The following CEMIP variants were observed in gnomAD, a reference collection of about 807,000 sequenced individuals.
CEMIP encodes the protein cell migration inducing hyaluronidase 1.
Under a neutral mutation model 156.9 loss-of-function variants are expected in CEMIP, and 105 were observed. That is an observed-to-expected ratio of 0.67 (90% CI 0.57 to 0.79). The LOEUF is 0.79. CEMIP is among the 30% of genes least tolerant of loss of function. The pLI is 0.00. For missense variants in CEMIP, 1,457 were observed against 1,769.4 expected, an observed-to-expected ratio of 0.82 and a Z score of 3.17; for synonymous variants, 676 against 668.4, an observed-to-expected ratio of 1.01 and a Z score of -0.17.
chr15:80,904,740 C>T lies in CEMIP; in HGVS notation c.1412-1923C>T, dbSNP rs923060755. Among the ~76,000 whole-genome samples the T allele has an allele frequency of 4.6e-4, 70 of 152,182 alleles. 1 individual carries two copies. Among genetic ancestry groups the T allele is most frequent in the Non-Finnish European group, 1.5e-5 (1 of 68,030 alleles). ...CTGAAAAGGGCAAGGAACAGATTCT[C>T]CTCTGGAGCCTCCATGAGGAACCAG... On this transcript the variant is annotated intron_variant, in intron 12 of 29. Transcript: ENST00000394685.
intron 1 of CEMIP, among the ~76,000 whole-genome samples, chr15:80,789,971 A>G (rs903127965): frequency 6.6e-6 from 1 of 152,116 alleles, no homozygotes; most frequent in African/African-American, 2.4e-5. Context: ...GCTCAGGGGG[A>G]ACGAGGGGCA....
chr15:80,915,009 G>A (rs576544446), intron 14 of CEMIP, among the ~76,000 whole-genome samples: 1 of 152,264 alleles, frequency 6.6e-6, no homozygotes, highest in Admixed American at 6.5e-5. Context: ...CAGTTCCTGG[G>A]TGGGGGCCAC....
At chr15:80,812,149 G>C (rs1896687145) in intron 1 of CEMIP, among the ~76,000 whole-genome samples, 2 of 152,194 alleles carry the variant, frequency 1.3e-5, no homozygotes, top group African/African-American at 4.8e-5. Flanking sequence ...AAGTAGCTGG[G>C]ATTACAGGCG....
chr15:80,830,447 G>A (rs1596117958), intron 1 of CEMIP, among the ~76,000 whole-genome samples: 2 of 152,090 alleles, frequency 1.3e-5, no homozygotes, highest in African/African-American at 4.8e-5. Context: ...TGCCCTTCTG[G>A]TTCTAGGACT....
In CEMIP at chr15:80,888,719, C is replaced by T; in HGVS notation, c.887C>T (p.Ala296Val). The change falls in exon 9 of 30, where the codon GCT (alanine) becomes GTT (valine). Residue 296 changes from alanine (A) to valine (V), a missense_variant. Ala to Val is a moderately conservative substitution (Grantham distance 64). Coordinates refer to ENST00000394685, the MANE Select transcript of CEMIP (RefSeq NM_001293298.2). ...IEYHGHRGSA[A>V]ARVFKLFQTE... is the part of the protein sequence containing the mutation. ...CTGACAGGACATCGAGGCTCTGCTG[C>T]TGCCCGGGTATTCAAATTGTTCCAG... 1 of 1,614,116 alleles carries T rather than the reference C, an allele frequency of 6.2e-7. No homozygotes were observed. The highest frequency in any genetic ancestry group is 8.5e-7 in the Non-Finnish European group (1 of 1,179,986).
intron 1 of CEMIP, among the ~76,000 whole-genome samples, chr15:80,791,109 T>TA (rs5814036): frequency 0.04 from 5,711 of 143,864 alleles, 360 homozygotes; most frequent in African/African-American, 0.13. Context: ...TGCAGAGGAT[T>TA]AAAAAAAAAA....
intron 1 of CEMIP, among the ~76,000 whole-genome samples, chr15:80,784,465 T>A (rs1596085335): frequency 6.6e-6 from 1 of 152,122 alleles, no homozygotes; most frequent in Admixed American, 6.5e-5. Context: ...TTTATGGCTG[T>A]AAGGTATGCA....
intron 28 of CEMIP, among the ~76,000 whole-genome samples, chr15:80,943,976 TC>T (rs1901440950): frequency 6.6e-6 from 1 of 152,158 alleles, no homozygotes; most frequent in Non-Finnish European, 1.5e-5. Context: ...TCTTTTCCGA[TC>T]CAACCCAAAA....
intron 25 of CEMIP, among the ~76,000 whole-genome samples, 186 bp from the exon 26 acceptor site, chr15:80,941,663 T>C (rs1042418333): frequency 9.9e-5 from 15 of 152,214 alleles, no homozygotes; most frequent in African/African-American, 3.1e-4. Flanking sequence ...CATTAGCTTT[T>C]TCTTCAATGC....
chr15:80,937,710 T>C (rs1177363743), intron 24 of CEMIP, 84 bp from the exon 25 acceptor site: 1 of 1,254,188 alleles, frequency 8.0e-7, no homozygotes, highest in Non-Finnish European at 1.2e-6. Flanking sequence ...TGGAGATTTT[T>C]TGGTCTCTTT....
At chr15:80,809,474 T>G (rs1194608907) in intron 1 of CEMIP, among the ~76,000 whole-genome samples, 3 of 152,250 alleles carry the variant, frequency 2.0e-5, no homozygotes, top group Admixed American at 2.0e-4. Context: ...AAAGTGTGAA[T>G]TTCCTTTTAT....
At chr15:80,899,887 C>A (rs1899398884) in intron 12 of CEMIP, among the ~76,000 whole-genome samples, 1 of 152,206 alleles carries the variant, frequency 6.6e-6, no homozygotes, top group Non-Finnish European at 1.5e-5. Context: ...GGTCAGATGT[C>A]CCCCTGGACT....
chr15:80,880,738 A>G (rs919496089), intron 5 of CEMIP, among the ~76,000 whole-genome samples, 162 bp from the exon 6 acceptor site: 5 of 152,102 alleles, frequency 3.3e-5, no homozygotes, highest in African/African-American at 7.2e-5. Flanking sequence ...CCCAGCCGCT[A>G]GTGTTATTTT....
Position 80,949,005 on chromosome 15 carries a change from C to T in CEMIP, c.*81C>T, listed in dbSNP as rs1901695777. ...GCAGACCAGTGGGGGATGGCTGGGT[C>T]CCCCAGCCCCTGCCAGCAGCTGCCT... On this transcript the variant is annotated 3_prime_UTR_variant, in exon 30 of 30. Transcript: ENST00000394685. 1.9e-6 allele frequency: 3 copies of T among 1,562,044 alleles called. No homozygotes were observed. The highest frequency in any genetic ancestry group is 1.7e-5 in the Admixed American group (1 of 59,916).
At chr15:80,879,601 C>A (rs1898575216) in intron 4 of CEMIP, 115 bp from the exon 5 acceptor site, 4 of 1,196,628 alleles carry the variant, frequency 3.3e-6, no homozygotes, top group Non-Finnish European at 3.7e-6. Context: ...GGAAGATGTG[C>A]CTTTTTGCCT....
At chr15:80,838,824 T>C (rs1242693481) in intron 1 of CEMIP, among the ~76,000 whole-genome samples, 2 of 152,192 alleles carry the variant, frequency 1.3e-5, no homozygotes, top group Non-Finnish European at 2.9e-5. Flanking sequence ...TCAGACAGGT[T>C]GGGCAACTTG....
intron 1 of CEMIP, among the ~76,000 whole-genome samples, chr15:80,787,803 C>T (rs1347855082): frequency 6.6e-6 from 1 of 152,216 alleles, no homozygotes; most frequent in East Asian, 1.9e-4. Context: ...TGGGCTCTCA[C>T]CATGTGTGGG....
chr15:80,884,427 T>C (rs1898766849), intron 7 of CEMIP, 73 bp downstream of exon 7: 1 of 1,483,918 alleles, frequency 6.7e-7, no homozygotes, highest in Non-Finnish European at 9.4e-7. Flanking sequence ...AGAATTTACC[T>C]TTCCCATCTC....
chr15:80,827,269 G>A (rs1356606493), intron 1 of CEMIP, among the ~76,000 whole-genome samples: 1 of 152,180 alleles, frequency 6.6e-6, no homozygotes, highest in Non-Finnish European at 1.5e-5. Flanking sequence ...CCCTAAGGTG[G>A]TCACCATGGG....
Sources: allele counts gnomAD v4.1 joint callset (sites outside exome capture counted in the v4.1 genomes callset), GRCh38; gene constraint gnomAD v4.1.1; transcripts MANE v1.5; gene names NCBI Gene and HGNC (gene_info 2026-07-23, HGNC 2026-07-21).